The following PEAK1 variants were observed in gnomAD, a reference collection of about 807,000 sequenced individuals.
PEAK1 encodes inactive tyrosine-protein kinase PEAK1.
In PEAK1, 54 loss-of-function variants were observed where a neutral mutation model predicts 124.7. That is an observed-to-expected ratio of 0.43 (90% CI 0.35 to 0.54). The LOEUF (loss-of-function observed/expected upper bound fraction) is 0.54. Among genes scored for constraint, PEAK1 ranks in the 20% least tolerant of loss-of-function variants. The pLI, the probability that PEAK1 is intolerant of heterozygous loss-of-function variation, is 0.01. For missense variants in PEAK1, 2,046 were observed against 2,134.5 expected, an observed-to-expected ratio of 0.96 and a Z score of 0.82; for synonymous variants, 719 against 760.0, an observed-to-expected ratio of 0.95 and a Z score of 0.89.
chr15:77,386,989 T>C (rs2070006287), intron 1 of PEAK1, among the ~76,000 whole-genome samples: 1 of 152,194 alleles, frequency 6.6e-6, no homozygotes, highest in African/African-American at 2.4e-5. Context: ...AAAATCTATT[T>C]AAACAAGACA....
At chr15:77,130,975 A>G (rs2052806009) in intron 9 of PEAK1, among the ~76,000 whole-genome samples, 1 of 152,246 alleles carries the variant, frequency 6.6e-6, no homozygotes, top group South Asian at 2.1e-4. Flanking sequence ...CAGAACCAGG[A>G]TCTGAACCCA....
At chr15:77,204,899 G>C (rs183140175) in intron 6 of PEAK1, 1 of 186,190 alleles carries the variant, frequency 5.4e-6, no homozygotes, top group African/African-American at 2.4e-5. Flanking sequence ...GTGAGACTCT[G>C]TCCAAAAAAA....
intron 2 of PEAK1, among the ~76,000 whole-genome samples, chr15:77,325,147 G>C (rs2065485425): frequency 6.6e-6 from 1 of 152,198 alleles, no homozygotes; most frequent in African/African-American, 2.4e-5. Context: ...GGCTGGGTGT[G>C]GTGGCTCATG....
chr15:77,205,830 AT>A lies in PEAK1; in HGVS notation c.-114-23791del, dbSNP rs568809900. 1.6e-3 allele frequency among the ~76,000 whole-genome samples: 249 copies of A among 151,640 alleles called. 4 individuals are homozygous for A. In the East Asian group the frequency reaches 0.04, roughly 24 times the overall value. On this transcript the variant is annotated intron_variant, in intron 6 of 9. Transcript: ENST00000682557. ...ATAACTTTATTATTAATTATTTTTT[AT>A]TTTTTTTATTATACTTTAAGTTTTA... is the stretch of plus-strand genomic sequence containing the variant.
chr15:77,318,588 G>A (rs1488559578), intron 2 of PEAK1, among the ~76,000 whole-genome samples: 1 of 151,946 alleles, frequency 6.6e-6, no homozygotes, highest in African/African-American at 2.4e-5. Flanking sequence ...CAGAGAGAAT[G>A]ATTTTCTGAA....
chr15:77,203,810 T>A (rs189480211), intron 6 of PEAK1, among the ~76,000 whole-genome samples: 12 of 151,980 alleles, frequency 7.9e-5, no homozygotes, highest in African/African-American at 2.7e-4. Flanking sequence ...ACAATAAAAC[T>A]CCTAAATGAT....
intron 6 of PEAK1, among the ~76,000 whole-genome samples, chr15:77,234,372 TG>T (rs200751277): frequency 0.014 from 2,197 of 152,306 alleles, 31 homozygotes; most frequent in Non-Finnish European, 0.025. Flanking sequence ...CTTATTAATT[TG>T]GTCCTTTATT....
At chr15:77,250,252 T>TACATATAC (rs2060814347) in intron 6 of PEAK1, among the ~76,000 whole-genome samples, 1 of 71,210 alleles carries the variant, frequency 1.4e-5, no homozygotes, top group African/African-American at 4.0e-5. Flanking sequence ...TATATATATA[T>TACATATAC]ATATATTTTT....
At chr15:77,176,832 T>C (rs1252026250) in intron 7 of PEAK1, among the ~76,000 whole-genome samples, 1 of 152,198 alleles carries the variant, frequency 6.6e-6, no homozygotes, top group Non-Finnish European at 1.5e-5. Context: ...AAGATGTGGA[T>C]AGATACACTA....
intron 2 of PEAK1, among the ~76,000 whole-genome samples, chr15:77,307,236 C>T (rs527688124): frequency 6.6e-6 from 1 of 152,090 alleles, no homozygotes; most frequent in Non-Finnish European, 1.5e-5. Context: ...TGTATCACAG[C>T]TTATTTGGAC....
At chr15:77,267,118 C>G (rs2061779505) in intron 5 of PEAK1, among the ~76,000 whole-genome samples, 1 of 152,080 alleles carries the variant, frequency 6.6e-6, no homozygotes, top group Non-Finnish European at 1.5e-5. Context: ...CAGAGGCAGC[C>G]ATAATCTTCC....
chr15:77,171,083 G>A (rs571066024), intron 7 of PEAK1, among the ~76,000 whole-genome samples: 1 of 151,882 alleles, frequency 6.6e-6, no homozygotes, highest in Non-Finnish European at 1.5e-5. Context: ...TTCAATATTA[G>A]TGCCAGAAAA....
intron 1 of PEAK1, chr15:77,419,596 C>A (rs2073197247): frequency 1.0e-6 from 1 of 984,976 alleles, no homozygotes; most frequent in African/African-American, 1.7e-5. Flanking sequence ...CAGAGAAGCC[C>A]CTCCTGCCCC....
At chr15:77,370,772 C>T in intron 1 of PEAK1, 1 of 980,126 alleles carries the variant, frequency 1.0e-6, no homozygotes, top group Non-Finnish European at 1.2e-6. Context: ...TGACTCATGC[C>T]TGTAATCTCA....
intron 1 of PEAK1, among the ~76,000 whole-genome samples, chr15:77,372,051 T>C (rs1376128754): frequency 2.0e-5 from 3 of 152,178 alleles, no homozygotes; most frequent in African/African-American, 7.2e-5. Context: ...ATTTCAAAGG[T>C]ATAAGGCAAC....
intron 8 of PEAK1, among the ~76,000 whole-genome samples, chr15:77,139,240 A>T (rs1334262634): frequency 3.9e-5 from 6 of 152,220 alleles, no homozygotes; most frequent in Admixed American, 3.9e-4. Flanking sequence ...ACACACATGG[A>T]GCTGTCATCT....
chr15:77,275,587 G>A (rs1262194921), intron 5 of PEAK1, among the ~76,000 whole-genome samples: 17 of 151,872 alleles, frequency 1.1e-4, no homozygotes, highest in African/African-American at 2.9e-4. Context: ...GTGATGGTGC[G>A]TGCCTGTAAT....
chr15:77,314,495 G>A (rs564514374), intron 2 of PEAK1, among the ~76,000 whole-genome samples: 2 of 152,042 alleles, frequency 1.3e-5, no homozygotes, highest in Admixed American at 6.5e-5. Context: ...TCAGCCTCCT[G>A]AGTAGCTGGG....
intron 8 of PEAK1, among the ~76,000 whole-genome samples, chr15:77,135,441 C>T (rs2053236047): frequency 1.3e-5 from 2 of 152,156 alleles, no homozygotes; most frequent in African/African-American, 4.8e-5. Flanking sequence ...CTTACACGAA[C>T]CTAGATGGTA....
Sources: allele counts gnomAD v4.1 joint callset (sites outside exome capture counted in the v4.1 genomes callset), GRCh38; gene constraint gnomAD v4.1.1; transcripts MANE v1.5; gene names NCBI Gene and HGNC (gene_info 2026-07-23, HGNC 2026-07-21).